Variants in FSD2 observed in about 807,000 individuals in gnomAD.
FSD2 encodes fibronectin type III and SPRY domain-containing protein 2.
Under a neutral mutation model 80.4 loss-of-function variants are expected in FSD2, and 71 were observed. That is an observed-to-expected ratio of 0.88 (90% CI 0.73 to 1.08). The LOEUF is 1.08. Among genes scored for constraint, FSD2 ranks in the 50% least tolerant of loss-of-function variants. FSD2 has a pLI of 0.00. For synonymous variants in FSD2, 361 were observed against 329.5 expected, an observed-to-expected ratio of 1.10 and a Z score of -1.03; for missense variants, 923 against 913.8, an observed-to-expected ratio of 1.01 and a Z score of -0.13.
intron 7 of FSD2, among the ~76,000 whole-genome samples, chr15:82,771,218 C>T (rs577599773): frequency 3.3e-5 from 5 of 152,350 alleles, no homozygotes; most frequent in East Asian, 1.9e-4. Flanking sequence ...ACCTGATTCA[C>T]GTCCTTGTTC....
rs778140448 is a variant in FSD2, at chr15:82,762,210, T to C, written c.1889A>G (p.Glu630Gly). 3 of 1,613,780 alleles carry C rather than the reference T, an allele frequency of 1.9e-6. No homozygotes were observed. The highest frequency in any genetic ancestry group is 2.5e-6 in the Non-Finnish European group (3 of 1,179,856). The change falls in exon 12 of 13, where the codon GAG (glutamate) becomes GGG (glycine). Residue 630 changes from glutamate (E) to glycine (G), a missense_variant. Transcript: ENST00000334574. ...CACACCAACTCTGTAGTCCAAATGC[T>C]CATCCACCTCCACCTCCCAGTAATG... is the stretch of plus-strand genomic sequence containing the variant. ...GHHYWEVEVD[E>G]HLDYRVGVAF...
intron 11 of FSD2, among the ~76,000 whole-genome samples, chr15:82,763,284 C>A (rs556497972): frequency 8.5e-5 from 13 of 152,228 alleles, no homozygotes; most frequent in Admixed American, 3.3e-4. Context: ...CATTATCTAC[C>A]CGGTAACCCC....
At chr15:82,770,241 G>T (rs187213612) in intron 7 of FSD2, among the ~76,000 whole-genome samples, 2 of 152,324 alleles carry the variant, frequency 1.3e-5, no homozygotes, top group Non-Finnish European at 2.9e-5. Flanking sequence ...ATGTGAGACC[G>T]CAGGGAGAGA....
At chr15:82,781,346 C>G (rs1445063729) in intron 4 of FSD2, among the ~76,000 whole-genome samples, 2 of 152,178 alleles carry the variant, frequency 1.3e-5, no homozygotes, top group Non-Finnish European at 2.9e-5. Flanking sequence ...CCAAATTGCT[C>G]TCCAGCTTTA....
At chr15:82,782,154 G>A (rs1346822268) in intron 4 of FSD2, among the ~76,000 whole-genome samples, 5 of 150,604 alleles carry the variant, frequency 3.3e-5, no homozygotes, top group East Asian at 2.0e-4. Flanking sequence ...CCAGCACTTC[G>A]GGAGGCCAAG....
intron 10 of FSD2, 35 bp from the exon 11 acceptor site, chr15:82,765,333 C>T: frequency 1.2e-6 from 2 of 1,612,110 alleles, no homozygotes; most frequent in Non-Finnish European, 1.7e-6. Flanking sequence ...GACCCGCAGC[C>T]AATCACTTGC....
intron 6 of FSD2, among the ~76,000 whole-genome samples, chr15:82,778,127 C>CATATATAT (rs34527251): frequency 0.051 from 4,242 of 83,750 alleles, 169 homozygotes; most frequent in East Asian, 0.082. Flanking sequence ...ACAAAAAAAC[C>CATATATAT]ATATATATAT....
rs963941106 is a variant in FSD2, at chr15:82,765,201, G to A, written c.1785C>T (p.Ala595=). 6.2e-7 allele frequency: 1 copy of A among 1,607,748 alleles called. No homozygotes were observed. Among genetic ancestry groups the A allele is most frequent in the African/African-American group, 1.3e-5 (1 of 74,708 alleles). The stretch of plus-strand genomic sequence containing the variant: ...GAGTGTCGCTGGGTGACAGCTCCCT[G>A]GCGGGGGTTCTCCTTTCACTTCGTA... ...TAVRSERRTP[A]RELSPSDTHF... The change falls in exon 11 of 13, where the codon GCC becomes GCT. Residue 595 remains alanine (A), a synonymous_variant. Transcript: ENST00000334574.
At chr15:82,785,652 G>A (rs958575425) in intron 3 of FSD2, among the ~76,000 whole-genome samples, 3 of 152,122 alleles carry the variant, frequency 2.0e-5, no homozygotes, top group African/African-American at 7.2e-5. Context: ...TGCATGCAGA[G>A]CTAAAAATAT....
intron 11 of FSD2, among the ~76,000 whole-genome samples, chr15:82,763,355 C>A (rs1295797203): frequency 6.6e-6 from 1 of 152,174 alleles, no homozygotes; most frequent in Admixed American, 6.6e-5. Context: ...TAGTTTGATT[C>A]CTGCTTCAAC....
Position 82,755,987 on chromosome 15 carries a change from T to A in FSD2, c.*3361A>T. 2 of 517,106 alleles carry A rather than the reference T, an allele frequency of 3.9e-6. No homozygotes were observed. The highest frequency in any genetic ancestry group is 1.9e-5 in the African/African-American group (1 of 52,062). The allele number at this position is 517,106 out of a possible 1,614,324, so 32.0% of individuals were successfully genotyped here. On this transcript the variant is annotated 3_prime_UTR_variant, in exon 13 of 13. Transcript: ENST00000334574. ...AGAGTCCTTGAAATCAAGCTGACTC[T>A]GCTTTTAGCCTCCTAAATGAAAAGG...
In FSD2 at chr15:82,781,532, G is replaced by A. The variant is rs542931001; in HGVS notation, c.966+1263C>T. ...CTTCCCCCTCCTCCTGTGGCACCTTGTGAAGAAATCTGACTGAGATTGAAA... is the reference window on the plus strand; with the variant it reads ...CTTCCCCCTCCTCCTGTGGCACCTTATGAAGAAATCTGACTGAGATTGAAA... On this transcript the variant is annotated intron_variant, in intron 4 of 12. Transcript: ENST00000334574. 5.8e-4 allele frequency among the ~76,000 whole-genome samples: 88 copies of A among 152,150 alleles called. 1 individual carries two copies. The highest frequency in any genetic ancestry group is 1.1e-3 in the Non-Finnish European group (77 of 68,020).
chr15:82,771,959 A>G (rs2049586665), intron 7 of FSD2, 114 bp downstream of exon 7: 1 of 1,091,506 alleles, frequency 9.2e-7, no homozygotes, highest in African/African-American at 1.6e-5. Context: ...AATCCTCTGC[A>G]TGTCTAGACC....
In FSD2 at chr15:82,787,201, G is replaced by A; in HGVS notation, c.190C>T (p.Gln64Ter). Reference protein sequence around the residue: ...ESRGAGDGKAQRDLQEEVDEL... With the variant: ...ESRGAGDGKA ...TCCACTTCCTCTTGAAGGTCTCTTTGAGCCTTACCATCCCCTGCTCCTCTT... is the reference window on the plus strand; with the variant it reads ...TCCACTTCCTCTTGAAGGTCTCTTTAAGCCTTACCATCCCCTGCTCCTCTT... The change falls in exon 2 of 13, where the codon CAA becomes TAA. Residue 64 changes from glutamine (Q) to a stop codon, truncating the protein, a stop_gained. Transcript: ENST00000334574. LOFTEE classifies it high-confidence loss of function. 1.9e-6 allele frequency: 3 copies of A among 1,613,890 alleles called. No homozygotes were observed. The highest frequency in any genetic ancestry group is 1.7e-6 in the Non-Finnish European group (2 of 1,179,878).
intron 3 of FSD2, 87 bp downstream of exon 3, chr15:82,786,424 T>C: frequency 1.0e-6 from 1 of 1,000,706 alleles, no homozygotes; most frequent in Non-Finnish European, 1.5e-6. Context: ...GAAAACAGAT[T>C]CTCTAGCTCA....
intron 1 of FSD2, among the ~76,000 whole-genome samples, chr15:82,792,684 A>G (rs907763965): frequency 1.3e-5 from 2 of 152,188 alleles, no homozygotes; most frequent in African/African-American, 2.4e-5. Flanking sequence ...TGTCATGTCT[A>G]ATAATCCATT....
chr15:82,760,662 T>G (rs2049271541), intron 12 of FSD2, among the ~76,000 whole-genome samples: 1 of 151,632 alleles, frequency 6.6e-6, no homozygotes, highest in African/African-American at 2.4e-5. Context: ...AAAATGCAAG[T>G]CTGCTAGGAG....
chr15:82,774,700 A>G (rs1244124066), intron 6 of FSD2, among the ~76,000 whole-genome samples: 1 of 152,094 alleles, frequency 6.6e-6, no homozygotes, highest in Non-Finnish European at 1.5e-5. Context: ...AGAGGGAAAA[A>G]AATACTTGTT....
At chr15:82,778,919 T>G in intron 5 of FSD2, 32 bp from the exon 6 acceptor site, 1 of 1,613,036 alleles carries the variant, frequency 6.2e-7, no homozygotes, top group Non-Finnish European at 8.5e-7. Context: ...CTGACTAGAA[T>G]GGAGGGGCAT....
Sources: allele counts gnomAD v4.1 joint callset (sites outside exome capture counted in the v4.1 genomes callset), GRCh38; gene constraint gnomAD v4.1.1; transcripts MANE v1.5; gene names NCBI Gene and HGNC (gene_info 2026-07-23, HGNC 2026-07-21).